DCC: variants seen among roughly 807,000 people sequenced by gnomAD.
The protein encoded by DCC is DCC netrin 1 receptor, also known as netrin receptor DCC.
In DCC, 58 loss-of-function variants were observed where a neutral mutation model predicts 172.5. That is an observed-to-expected ratio of 0.34 (90% confidence interval 0.27 to 0.42). The LOEUF is 0.42. Ranked by LOEUF, DCC falls within the 10% of genes least tolerant of loss-of-function variation. DCC has a pLI of 1.00. For missense variants in DCC, 1,740 were observed against 1,791.0 expected (o/e 0.97, Z 0.51); for synonymous variants, 709 against 644.5 (o/e 1.10, Z -1.52).
chr18:52,724,916 G>A (rs1309058388), intron 1 of DCC, among the ~76,000 whole-genome samples: 1 of 152,106 alleles, frequency 6.6e-6, no homozygotes, highest in Non-Finnish European at 1.5e-5. Context: ...AAATAAAACT[G>A]TTTTCTCTTC....
chr18:52,971,735 T>C lies in DCC; in HGVS notation c.985+46365T>C, dbSNP rs77194508. On this transcript the variant is annotated intron_variant, in intron 5 of 28. Transcript: ENST00000442544. Reference sequence around the variant, plus strand: ...CCTTAGAAATGACTCAGTGATCACATTATTGGATCTCACTCTTGTGAAAAC... The same window carrying C: ...CCTTAGAAATGACTCAGTGATCACACTATTGGATCTCACTCTTGTGAAAAC... Among the ~76,000 whole-genome samples the C allele has an allele frequency of 2.0e-5, 3 of 152,212 alleles. No individual in the cohort carries two copies. In the East Asian group the frequency reaches 5.8e-4, roughly 29 times the overall value.
At chr18:53,457,410 T>G (rs1020265896) in intron 23 of DCC, among the ~76,000 whole-genome samples, 6 of 152,240 alleles carry the variant, frequency 3.9e-5, no homozygotes, top group African/African-American at 1.4e-4. Context: ...ACTTTCTTTA[T>G]TCCAGGTTAT....
chr18:53,340,464 GAATGATAA>G (rs1409999113), intron 15 of DCC, among the ~76,000 whole-genome samples: 1 of 152,090 alleles, frequency 6.6e-6, no homozygotes, highest in Non-Finnish European at 1.5e-5. Context: ...CAATACATTA[GAATGATAA>G]AACTCCATCC....
At chr18:52,748,148 G>T (rs899839365) in intron 1 of DCC, among the ~76,000 whole-genome samples, 2 of 152,202 alleles carry the variant, frequency 1.3e-5, no homozygotes, top group African/African-American at 2.4e-5. Context: ...AGCCAGGTGC[G>T]CCAGCTGCTG....
intron 5 of DCC, among the ~76,000 whole-genome samples, chr18:53,037,643 G>T (rs1484649842): frequency 1.3e-5 from 2 of 151,920 alleles, no homozygotes; most frequent in African/African-American, 4.8e-5. Flanking sequence ...AAAGTTCAAT[G>T]AATAGGTAGC....
chr18:53,461,319 C>A (rs1471561442), intron 24 of DCC, among the ~76,000 whole-genome samples: 1 of 151,576 alleles, frequency 6.6e-6, no homozygotes, highest in Non-Finnish European at 1.5e-5. Flanking sequence ...TCTTTTGTTG[C>A]CATTGCTTTT....
intron 12 of DCC, among the ~76,000 whole-genome samples, chr18:53,251,218 G>A (rs545340314): frequency 3.9e-5 from 6 of 151,964 alleles, no homozygotes; most frequent in East Asian, 3.9e-4. Flanking sequence ...TCTGTTCACC[G>A]CTTAAAAATT....
chr18:52,892,275 A>G (rs1783390075), intron 2 of DCC: 2 of 152,124 alleles, frequency 1.3e-5, no homozygotes, highest in South Asian at 2.1e-4. Context: ...CTGACACTTG[A>G]GGTTTAAAGC....
At chr18:53,394,474 C>T (rs1308015931) in intron 17 of DCC, among the ~76,000 whole-genome samples, 1 of 152,108 alleles carries the variant, frequency 6.6e-6, no homozygotes, top group African/African-American at 2.4e-5. Flanking sequence ...ATTAACTTTC[C>T]TGATCAAATG....
chr18:52,402,887 G>A (rs1388513121), intron 1 of DCC, among the ~76,000 whole-genome samples: 3 of 151,930 alleles, frequency 2.0e-5, no homozygotes, highest in Non-Finnish European at 4.4e-5. Flanking sequence ...AGTTGAACGA[G>A]GCACTAATTA....
chr18:53,248,662 T>G (rs935574827), intron 12 of DCC, among the ~76,000 whole-genome samples: 7 of 152,010 alleles, frequency 4.6e-5, no homozygotes, highest in African/African-American at 7.2e-5. Flanking sequence ...TTCAGCCAAT[T>G]AAACACTTTG....
chr18:52,635,102 A>G (rs901756957), intron 1 of DCC, among the ~76,000 whole-genome samples: 5 of 152,184 alleles, frequency 3.3e-5, no homozygotes, highest in Admixed American at 3.3e-4. Flanking sequence ...TCCAAATTTG[A>G]CAAATAATGT....
intron 1 of DCC, among the ~76,000 whole-genome samples, chr18:52,632,647 A>G (rs1209962608): frequency 6.6e-6 from 1 of 152,212 alleles, no homozygotes; most frequent in Non-Finnish European, 1.5e-5. Flanking sequence ...CTTAATGGAT[A>G]TATCCTGCCT....
intron 1 of DCC, among the ~76,000 whole-genome samples, chr18:52,665,770 A>C (rs1010464157): frequency 1.3e-5 from 2 of 152,214 alleles, no homozygotes; most frequent in Non-Finnish European, 2.9e-5. Context: ...ATAGCTGTGA[A>C]CAGTAATTTT....
At chr18:53,455,225 C>T (rs1010919314) in intron 23 of DCC, among the ~76,000 whole-genome samples, 10 of 152,274 alleles carry the variant, frequency 6.6e-5, no homozygotes, top group East Asian at 1.9e-4. Context: ...CTTTTAACCA[C>T]GGGAATTAGT....
At chr18:52,690,956 TAGTC>T (rs1231264450) in intron 1 of DCC, among the ~76,000 whole-genome samples, 3 of 152,108 alleles carry the variant, frequency 2.0e-5, no homozygotes, top group Non-Finnish European at 2.9e-5. Flanking sequence ...AAACCTGACT[TAGTC>T]AGCATATACG....
chr18:52,751,844 G>C (rs1434026541), intron 1 of DCC, among the ~76,000 whole-genome samples: 1 of 151,688 alleles, frequency 6.6e-6, no homozygotes, highest in African/African-American at 2.4e-5. Context: ...TTAACTTTTG[G>C]AGCCAATTGT....
intron 1 of DCC, among the ~76,000 whole-genome samples, chr18:52,519,410 G>A (rs897033653): frequency 2.0e-5 from 3 of 151,992 alleles, no homozygotes; most frequent in Admixed American, 6.6e-5. Context: ...GAGCCCCAGG[G>A]AATGGATGCT....
At chr18:53,203,406 G>T (rs1311628007) in intron 9 of DCC, among the ~76,000 whole-genome samples, 1 of 151,040 alleles carries the variant, frequency 6.6e-6, no homozygotes, top group African/African-American at 2.4e-5. Context: ...ATGGCAAGAA[G>T]GAAAAAAAAC....
Sources: gnomAD v4.1 joint callset for allele counts (sites outside exome capture counted in the v4.1 genomes callset) on GRCh38, gnomAD v4.1.1 for gene constraint, MANE v1.5 for transcripts, NCBI Gene and HGNC (gene_info 2026-07-23, HGNC 2026-07-21) for gene names.